Variants in NIPAL3 observed in about 807,000 individuals in gnomAD.
The protein encoded by NIPAL3 is NIPA like domain containing 3, also known as NIPA-like protein 3.
NIPAL3 carries 41 observed loss-of-function variants against 47.2 expected under a neutral mutation model. The ratio of observed to expected loss-of-function variants is 0.87; its 90% CI spans 0.68 to 1.13. NIPAL3 has a LOEUF of 1.13. Ranked by LOEUF, NIPAL3 falls within the 50% of genes most tolerant of loss-of-function variation. NIPAL3 has a pLI of 0.00. For missense variants in NIPAL3, 449 were observed against 530.1 expected (o/e 0.85, Z 1.50); for synonymous variants, 194 against 209.6 (o/e 0.93, Z 0.64).
intron 5 of NIPAL3, among the ~76,000 whole-genome samples, chr1:24,446,243 C>T (rs1014827838): frequency 6.6e-6 from 1 of 152,254 alleles, no homozygotes; most frequent in East Asian, 1.9e-4. Context: ...CAGGGTCAGA[C>T]TCTCTGAGGA....
Position 24,415,888 on chromosome 1 carries a change from TAGAGGAG to T in NIPAL3, c.-272_-266del. ...TCAGAAGGTTTTGATAGGTGGGCCT[TAGAGGAG>T]ACGCCGCCGGTGAGTAGTGATTAAC... On this transcript the variant is annotated 5_prime_UTR_variant, in exon 1 of 12. It introduces an in-frame stop codon into an upstream open reading frame of the 5' UTR. Coordinates refer to ENST00000374399, the MANE Select transcript of NIPAL3 (RefSeq NM_020448.5). 1.0e-6 allele frequency: 1 copy of T among 985,366 alleles called. No homozygotes were observed. The highest frequency in any genetic ancestry group is 1.2e-6 in the Non-Finnish European group (1 of 829,896). The allele number at this position is 985,366 out of a possible 1,614,324, so 61.0% of individuals were successfully genotyped here.
At chr1:24,432,886 G>C (rs1422982608) in intron 2 of NIPAL3, among the ~76,000 whole-genome samples, 1 of 152,192 alleles carries the variant, frequency 6.6e-6, no homozygotes, top group Admixed American at 6.5e-5. Flanking sequence ...GCTCTCTCTA[G>C]TAAACCCGAT....
At chr1:24,463,366 T>C (rs865834130) in intron 10 of NIPAL3, among the ~76,000 whole-genome samples, 12 of 152,146 alleles carry the variant, frequency 7.9e-5, no homozygotes, top group Admixed American at 7.9e-4. Flanking sequence ...AGGGCTGGCA[T>C]GAAATGGAAA....
intron 2 of NIPAL3, 187 bp downstream of exon 2, chr1:24,419,827 C>A: frequency 1.9e-6 from 1 of 536,228 alleles, no homozygotes; most frequent in Admixed American, 3.2e-5. Flanking sequence ...TGGTGGCTCA[C>A]ACCTGTAATC....
intron 5 of NIPAL3, 133 bp downstream of exon 5, chr1:24,445,377 A>G (rs1645609908): frequency 3.4e-6 from 2 of 584,602 alleles, no homozygotes; most frequent in Non-Finnish European, 3.0e-6. Flanking sequence ...TGCCCTCAAC[A>G]GGCTCCTGAG....
At chr1:24,455,165 A>T (rs1279653680) in intron 7 of NIPAL3, among the ~76,000 whole-genome samples, 1 of 152,218 alleles carries the variant, frequency 6.6e-6, no homozygotes, top group African/African-American at 2.4e-5. Flanking sequence ...AAAGCAAAGC[A>T]CAGCAGCAGG....
At chr1:24,418,249 A>G (rs746772863) in intron 1 of NIPAL3, among the ~76,000 whole-genome samples, 12 of 152,264 alleles carry the variant, frequency 7.9e-5, no homozygotes, top group Non-Finnish European at 1.3e-4. Context: ...TAAAAAATGT[A>G]TAAAAAGTCC....
chr1:24,443,281 G>A (rs1645489488), intron 4 of NIPAL3, among the ~76,000 whole-genome samples: 1 of 152,178 alleles, frequency 6.6e-6, no homozygotes. Context: ...GTGAACAATA[G>A]CTTTTTTTGT....
upstream of NIPAL3, chr1:24,415,329 A>G (rs4592213): frequency 0.18 from 27,632 of 152,166 alleles, 3,137 homozygotes; most frequent in East Asian, 0.3. Flanking sequence ...AAGTCTCGCG[A>G]GGGCTCTGGG....
At chr1:24,428,287 A>C (rs970450319) in intron 2 of NIPAL3, among the ~76,000 whole-genome samples, 1 of 151,378 alleles carries the variant, frequency 6.6e-6, no homozygotes. Flanking sequence ...AGAGAGAGAG[A>C]GAGAGAGAGA....
chr1:24,448,328 T>A (rs1030529423), intron 5 of NIPAL3, among the ~76,000 whole-genome samples: 2 of 152,018 alleles, frequency 1.3e-5, no homozygotes, highest in Admixed American at 1.3e-4. Context: ...CCTTACAGAG[T>A]TCAATAGGAG....
intron 5 of NIPAL3, among the ~76,000 whole-genome samples, chr1:24,447,135 C>T (rs541963157): frequency 5.9e-5 from 9 of 152,262 alleles, no homozygotes; most frequent in African/African-American, 9.6e-5. Context: ...TGAGGAGTGA[C>T]GTGATGGTGG....
rs184039335 is a variant in NIPAL3, at chr1:24,445,147, C to T, written c.335-38C>T. The T allele has an allele frequency of 1.5e-5, 22 of 1,477,112 alleles. 1 individual carries two copies. In the South Asian group the frequency reaches 2.4e-4, roughly 16 times the overall value. 91.5% of individuals were successfully genotyped at this position (1,477,112 alleles called of 1,614,324 possible). A position where few individuals can be genotyped will look rare whatever the true frequency, so the allele number is the denominator to read the frequency against. On this transcript the variant is annotated intron_variant, in intron 4 of 11. Coordinates refer to ENST00000374399, the MANE Select transcript of NIPAL3 (RefSeq NM_020448.5). ...TGAAGGGATGCCCTTTAGCTGACAG[C>T]AGCCTCAATTCCCTTTTCTTTGTGC...
At chr1:24,431,667 C>T (rs921046818) in intron 2 of NIPAL3, among the ~76,000 whole-genome samples, 7 of 152,242 alleles carry the variant, frequency 4.6e-5, no homozygotes, top group African/African-American at 1.7e-4. Context: ...TGGTTTCTTT[C>T]CATCTTCCCT....
chr1:24,467,719 T>C (rs1320733326), intron 11 of NIPAL3, among the ~76,000 whole-genome samples: 3 of 152,168 alleles, frequency 2.0e-5, no homozygotes, highest in Non-Finnish European at 4.4e-5. Flanking sequence ...CTATTGTTGT[T>C]ACTGTTACTA....
rs143724146 is a variant in NIPAL3 at position 24,434,001 on chromosome 1, T to C, written c.94-6171T>C. 5.1e-4 allele frequency among the ~76,000 whole-genome samples: 77 copies of C among 152,032 alleles called. 1 individual carries two copies. The highest frequency in any genetic ancestry group is 1.8e-3 in the African/African-American group (75 of 41,466). On this transcript the variant is annotated intron_variant, in intron 2 of 11. Transcript: ENST00000374399. ...TTAAAATGGCACACTAGAAAACATA[T>C]CTATTTACCACAAAAGAGGGCAGTA...
intron 3 of NIPAL3, among the ~76,000 whole-genome samples, chr1:24,441,298 C>T (rs368324838): frequency 6.6e-6 from 1 of 152,156 alleles, no homozygotes; most frequent in African/African-American, 2.4e-5. Flanking sequence ...GCTGAGACCA[C>T]GTGGTCTCTT....
rs1180176616 is a variant in NIPAL3, at chr1:24,457,674, C to T, written c.774-1214C>T. ...AAAGTGGCGGAGCTGAGATCTGAACCCAGGTGTCTGGCTCCCCAGCCCATG... is the reference window on the plus strand; with the variant it reads ...AAAGTGGCGGAGCTGAGATCTGAACTCAGGTGTCTGGCTCCCCAGCCCATG... On this transcript the variant is annotated intron_variant, in intron 8 of 11. Coordinates refer to ENST00000374399, the MANE Select transcript of NIPAL3 (RefSeq NM_020448.5). The T allele has an allele frequency of 5.9e-6, 3 of 510,302 alleles. No homozygotes were observed. In the East Asian group the frequency reaches 1.7e-4, roughly 29 times the overall value. 31.6% of individuals were successfully genotyped at this position (510,302 alleles called of 1,614,324 possible). A position where few individuals can be genotyped will look rare whatever the true frequency, so the allele number is the denominator to read the frequency against.
rs193296705 is a variant in NIPAL3, at chr1:24,436,881, C to T, written c.94-3291C>T. On this transcript the variant is annotated intron_variant, in intron 2 of 11. Transcript: ENST00000374399. ...GGGAAAAGTACATCTACTCCATCTT[C>T]CCAGAAGCAGATGTTCTATAATTGA... 9.9e-5 allele frequency among the ~76,000 whole-genome samples: 15 copies of T among 152,214 alleles called. 1 individual carries two copies. In the East Asian group the frequency reaches 2.9e-3, roughly 29 times the overall value.
Sources: gnomAD v4.1 joint callset for allele counts (sites outside exome capture counted in the v4.1 genomes callset) on GRCh38, gnomAD v4.1.1 for gene constraint, MANE v1.5 for transcripts, NCBI Gene and HGNC (gene_info 2026-07-23, HGNC 2026-07-21) for gene names.